Variants in SLC16A12 observed in about 807,000 individuals in gnomAD.
The protein encoded by SLC16A12 is solute carrier family 16 member 12, also known as monocarboxylate transporter 12.
In SLC16A12, 17 loss-of-function variants were observed where a neutral mutation model predicts 42.4. The ratio of observed to expected loss-of-function variants is 0.40; its 90% CI spans 0.27 to 0.60. SLC16A12 has a LOEUF of 0.60. Among genes scored for constraint, SLC16A12 ranks in the 20% least tolerant of loss-of-function variants. The pLI, the probability that SLC16A12 is intolerant of heterozygous loss-of-function variation, is 0.42. For synonymous variants in SLC16A12, 224 were observed against 229.4 expected (o/e 0.98, Z 0.21); for missense variants, 544 against 623.0 (o/e 0.87, Z 1.35).
intron 2 of SLC16A12, among the ~76,000 whole-genome samples, chr10:89,486,804 CT>C (rs1179008336): frequency 6.6e-6 from 1 of 151,850 alleles, no homozygotes; most frequent in East Asian, 1.9e-4. Flanking sequence ...TCCTGGATAC[CT>C]TGTTTTTCTT....
At chr10:89,436,914 A>AAGAAAGAAAGAAAGAAAG (rs796398100) in intron 6 of SLC16A12, among the ~76,000 whole-genome samples, 7 of 136,462 alleles carry the variant, frequency 5.1e-5, no homozygotes, top group African/African-American at 1.7e-4. Flanking sequence ...GAAAGAAAGA[A>AAGAAAGAAAGAAAGAAAG]AAAGAAAGAG....
chr10:89,499,381 C>G (rs1229934792), intron 2 of SLC16A12, among the ~76,000 whole-genome samples: 1 of 152,236 alleles, frequency 6.6e-6, no homozygotes, highest in East Asian at 1.9e-4. Context: ...ATGGAGAACG[C>G]TCGTCTCTAC....
chr10:89,536,534 T>G (rs1022643089), upstream of SLC16A12, among the ~76,000 whole-genome samples: 6 of 151,950 alleles, frequency 3.9e-5, no homozygotes, highest in Admixed American at 6.5e-5. Context: ...ACTCAAAGCC[T>G]GAAAAGGGAG....
chr10:89,539,865 C>CTTTCTTTCT (rs1564604758), upstream of SLC16A12, among the ~76,000 whole-genome samples: 1 of 131,294 alleles, frequency 7.6e-6, no homozygotes, highest in African/African-American at 3.1e-5. Context: ...ATTTTTCTTT[C>CTTTCTTTCT]TTTCTTTCTT....
intron 2 of SLC16A12, among the ~76,000 whole-genome samples, chr10:89,469,921 G>A (rs1421509758): frequency 6.6e-6 from 1 of 152,196 alleles, no homozygotes; most frequent in Non-Finnish European, 1.5e-5. Flanking sequence ...TTTCAAGGTA[G>A]AGACAATTCC....
At chr10:89,487,403 T>G (rs74434078) in intron 2 of SLC16A12, among the ~76,000 whole-genome samples, 6,599 of 151,992 alleles carry the variant, frequency 0.043, 468 homozygotes, top group African/African-American at 0.15. Context: ...GGAATGTAAG[T>G]TAATAAAACC....
At chr10:89,500,136 A>C (rs1227173828) in intron 2 of SLC16A12, among the ~76,000 whole-genome samples, 1 of 152,170 alleles carries the variant, frequency 6.6e-6, no homozygotes, top group East Asian at 1.9e-4. Flanking sequence ...AGCAAGATTG[A>C]AATGGTAATT....
Position 89,436,179 on chromosome 10 carries a change from T to C in SLC16A12, c.1169A>G (p.Tyr390Cys), listed in dbSNP as rs1841782827. 2 of 1,614,020 alleles carry C rather than the reference T, an allele frequency of 1.2e-6. No individual in the cohort carries two copies. The highest frequency in any genetic ancestry group is 1.7e-6 in the Non-Finnish European group (2 of 1,179,982). The change falls in exon 7 of 8, where the codon TAT becomes TGT. Residue 390 changes from tyrosine (Y) to cysteine (C), a missense_variant. Physicochemically the swap from Tyr to Cys is radical, Grantham distance 194. Transcript: ENST00000371790. ...GGTCACTACTGGGATCAAAGTCACA[T>C]AGGCACCATCAAAGTAGCCAAAGGT... ...SCTFGYFDGA[Y>C]VTLIPVVTTE...
chr10:89,482,312 A>G (rs1429430664), intron 2 of SLC16A12, among the ~76,000 whole-genome samples: 1 of 152,126 alleles, frequency 6.6e-6, no homozygotes, highest in Non-Finnish European at 1.5e-5. Flanking sequence ...AAGTTAACAT[A>G]TATTCTTAGA....
intron 3 of SLC16A12, among the ~76,000 whole-genome samples, chr10:89,445,952 T>C (rs112816781): frequency 0.031 from 4,780 of 152,242 alleles, 259 homozygotes; most frequent in African/African-American, 0.11. Flanking sequence ...GAGAACTACG[T>C]GACGCATACA....
intron 6 of SLC16A12, among the ~76,000 whole-genome samples, chr10:89,437,323 T>C (rs1841817685): frequency 6.6e-6 from 1 of 152,230 alleles, no homozygotes; most frequent in African/African-American, 2.4e-5. Flanking sequence ...AAAGAATCTG[T>C]ATAATGTCAG....
rs1302528049 is a variant in SLC16A12, at chr10:89,488,248, A to G, written c.-46-25624T>C. Among the ~76,000 whole-genome samples, 75 of 152,164 alleles carry G rather than the reference A, an allele frequency of 4.9e-4. 1 individual carries two copies. The highest frequency in any genetic ancestry group is 7.4e-5 in the Non-Finnish European group (5 of 67,992). On this transcript the variant is annotated intron_variant, in intron 2 of 7. Transcript: ENST00000371790. ...GAGTCTACAGAAATTTTTTTAAAAGATCCATCAAAAAAATCCCTTAATCAT... is the reference window on the plus strand; with the variant it reads ...GAGTCTACAGAAATTTTTTTAAAAGGTCCATCAAAAAAATCCCTTAATCAT...
At chr10:89,443,650 T>C in intron 4 of SLC16A12, 106 bp downstream of exon 4, 1 of 835,518 alleles carries the variant, frequency 1.2e-6, no homozygotes, top group South Asian at 1.4e-5. Context: ...GTTTTTAATG[T>C]AGCCCTTCTA....
rs1468064527 is a variant in SLC16A12, at chr10:89,433,109, A to C, written c.1506T>G (p.His502Gln). 1 of 1,614,164 alleles carries C rather than the reference A, an allele frequency of 6.2e-7. No homozygotes were observed. Among genetic ancestry groups the C allele is most frequent in the Non-Finnish European group, 8.5e-7 (1 of 1,180,020 alleles). Residue 502 changes from histidine to glutamine, a missense_variant, in exon 8 of 8, where the codon CAT (histidine) becomes CAG (glutamine). Coordinates refer to ENST00000371790, the MANE Select transcript of SLC16A12 (RefSeq NM_213606.4). ...GCACTGCTGTAGCCACAGGCTCCCCATGTTTCTGATCTAATTCTCTTGCCA... is the reference window on the plus strand; with the variant it reads ...GCACTGCTGTAGCCACAGGCTCCCCCTGTTTCTGATCTAATTCTCTTGCCA... ...YSVARELDQK[H>Q]GEPVATAVPG...
intron 2 of SLC16A12, among the ~76,000 whole-genome samples, chr10:89,529,048 T>C (rs966309747): frequency 2.6e-5 from 4 of 152,220 alleles, no homozygotes; most frequent in Non-Finnish European, 5.9e-5. Context: ...TTTTTGATAG[T>C]TGTCTGGTTG....
At chr10:89,544,949 C>T (rs528695443) in intron 2 of SLC16A12, among the ~76,000 whole-genome samples, 1 of 152,294 alleles carries the variant, frequency 6.6e-6, no homozygotes, top group Non-Finnish European at 1.5e-5. Flanking sequence ...CAGGCATCAT[C>T]TTATGATTGC....
intron 2 of SLC16A12, among the ~76,000 whole-genome samples, chr10:89,548,467 G>A (rs1564606199): frequency 1.3e-5 from 2 of 152,096 alleles, no homozygotes; most frequent in Non-Finnish European, 2.9e-5. Context: ...AGAGCAGCAG[G>A]CCGAGGACCA....
At chr10:89,448,726 T>C (rs1024969164) in intron 3 of SLC16A12, among the ~76,000 whole-genome samples, 1 of 152,186 alleles carries the variant, frequency 6.6e-6, no homozygotes, top group African/African-American at 2.4e-5. Flanking sequence ...TCACCACTCC[T>C]ATTTAACATA....
chr10:89,432,289 C>T lies in SLC16A12; in HGVS notation c.*775G>A, dbSNP rs555133276. 15 of 152,204 alleles carry T rather than the reference C, an allele frequency of 9.9e-5. No individual in the cohort carries two copies. The highest frequency in any genetic ancestry group is 1.9e-4 in the Non-Finnish European group (13 of 68,028). 9.4% of individuals were successfully genotyped at this position (152,204 alleles called of 1,614,324 possible). On this transcript the variant is annotated 3_prime_UTR_variant, in exon 8 of 8. Coordinates refer to ENST00000371790, the MANE Select transcript of SLC16A12 (RefSeq NM_213606.4). ...GAGTAAGTATTATATGTGATGGTAA[C>T]AAATGTGAGAGCCTGGAACCCAGTC...
Sources: gnomAD v4.1 joint callset for allele counts (sites outside exome capture counted in the v4.1 genomes callset) on GRCh38, gnomAD v4.1.1 for gene constraint, MANE v1.5 for transcripts, NCBI Gene and HGNC (gene_info 2026-07-23, HGNC 2026-07-21) for gene names.